Variants in SPEN observed in about 807,000 individuals in gnomAD.
The protein encoded by SPEN is msx2-interacting protein.
In SPEN, 18 loss-of-function variants were observed where a neutral mutation model predicts 269.9. The observed-to-expected ratio is 0.07, with a 90% confidence interval of 0.05 to 0.10. The LOEUF (loss-of-function observed/expected upper bound fraction) is 0.10. Among genes scored for constraint, SPEN ranks in the 10% least tolerant of loss-of-function variants. SPEN has a pLI of 1.00. For synonymous variants in SPEN, 1,726 were observed against 1,765.7 expected (o/e 0.98, Z 0.56); for missense variants, 3,822 against 4,631.2 (o/e 0.83, Z 5.07).
intron 11 of SPEN, 114 bp downstream of exon 11, chr1:15,936,380 C>T: frequency 7.2e-7 from 1 of 1,390,806 alleles, no homozygotes; most frequent in Non-Finnish European, 9.3e-7. Flanking sequence ...GTGGCTTATG[C>T]CTGTAATCCC....
At chr1:15,865,245 T>G (rs930099689) in intron 1 of SPEN, among the ~76,000 whole-genome samples, 2 of 151,352 alleles carry the variant, frequency 1.3e-5, no homozygotes, top group Non-Finnish European at 2.9e-5. Context: ...GAGACGGGAT[T>G]TCACCGTCTT....
Position 15,932,697 on chromosome 1 carries a change from G to A in SPEN, c.6457G>A (p.Val2153Met), listed in dbSNP as rs761978747. 5.0e-6 allele frequency: 8 copies of A among 1,614,186 alleles called. No individual in the cohort carries two copies. The highest frequency in any genetic ancestry group is 1.7e-4 in the Middle Eastern group (1 of 6,060). ...AGACAAGGAACCAGAGAAAGAAGACGTGTCTGCCTCTGGGCCGTCCCCAGA... is the reference window on the plus strand; with the variant it reads ...AGACAAGGAACCAGAGAAAGAAGACATGTCTGCCTCTGGGCCGTCCCCAGA... The part of the protein sequence containing the change: ...DPDKEPEKED[V>M]SASGPSPEAT... The change falls in exon 11 of 15, where the codon GTG (valine) becomes ATG (methionine). Residue 2153 changes from valine to methionine, a missense_variant. By Grantham distance (21) the Val-to-Met change is conservative. Transcript: ENST00000375759. This position sits in a 1 kb window ranked among gnomAD's most constrained non-coding sequence, Gnocchi z 4.2.
rs926348124 is a variant in SPEN, at chr1:15,901,599, G to C, written c.882-7722G>C. Among the ~76,000 whole-genome samples, 4 of 142,836 alleles carry C rather than the reference G, an allele frequency of 2.8e-5. No individual in the cohort carries two copies. In the South Asian group the frequency reaches 9.1e-4, roughly 32 times the overall value. 93.7% of individuals were successfully genotyped at this position (142,836 alleles called of 152,430 possible). A position where few individuals can be genotyped will look rare whatever the true frequency, so the allele number is the denominator to read the frequency against. On this transcript the variant is annotated intron_variant, in intron 3 of 14. Transcript: ENST00000375759. ...TGGGGATCGGAAGTTGCAGTGAGCCGAGATCACGCCACTGCACTCCAGCCT... is the reference window on the plus strand; with the variant it reads ...TGGGGATCGGAAGTTGCAGTGAGCCCAGATCACGCCACTGCACTCCAGCCT...
At chr1:15,859,069 A>C (rs1375322259) in intron 1 of SPEN, among the ~76,000 whole-genome samples, 1 of 152,104 alleles carries the variant, frequency 6.6e-6, no homozygotes, top group Admixed American at 6.6e-5. Flanking sequence ...AGTCAAACAT[A>C]TCTCTCCTTA....
chr1:15,897,940 C>T (rs1394289125), intron 3 of SPEN, among the ~76,000 whole-genome samples: 2 of 152,164 alleles, frequency 1.3e-5, no homozygotes, highest in African/African-American at 2.4e-5. Context: ...ATGCTTTCCC[C>T]GTTTCTTTTG....
intron 3 of SPEN, among the ~76,000 whole-genome samples, chr1:15,897,263 C>G (rs1328282639): frequency 6.6e-6 from 1 of 152,044 alleles, no homozygotes; most frequent in Non-Finnish European, 1.5e-5. Flanking sequence ...AATCTCGGCT[C>G]ACTGCAACCT....
intron 1 of SPEN, among the ~76,000 whole-genome samples, chr1:15,862,648 C>T (rs1199603451): frequency 6.6e-6 from 1 of 152,108 alleles, no homozygotes; most frequent in East Asian, 1.9e-4. Context: ...GTTAATTTTA[C>T]TTAATAAATA....
Position 15,929,726 on chromosome 1 carries a change from C to T in SPEN, c.3486C>T (p.Asp1162=), listed in dbSNP as rs545184463. Residue 1162 remains aspartate, a synonymous_variant, in exon 11 of 15, where the codon GAC becomes GAT. Transcript: ENST00000375759. This position sits in a 1 kb window ranked among gnomAD's most constrained non-coding sequence, Gnocchi z 5.8. ...ATACTGAAGAAAAAATTGGCATTGA[C>T]ATCGATCACACGCAGAGTTACCGAA... ...SVNTEEKIGI[D]IDHTQSYRKQ... 1.9e-6 allele frequency: 3 copies of T among 1,614,110 alleles called. No individual in the cohort carries two copies. Among genetic ancestry groups the T allele is most frequent in the East Asian group, 2.2e-5 (1 of 44,886 alleles).
intron 3 of SPEN, among the ~76,000 whole-genome samples, chr1:15,882,347 G>A (rs576013520): frequency 2.5e-4 from 38 of 151,778 alleles, no homozygotes; most frequent in South Asian, 6.3e-4. Flanking sequence ...TTGGATTCCC[G>A]CCCCCCCAAT....
At position 15,937,497 on chromosome 1, in the gene SPEN, A is replaced by AACAGCCGTTGTTTGTCCCAAC. The variant is rs370950530; in HGVS notation, c.10363_10383dup (p.Gln3455_Thr3461dup). 19 of 1,613,784 alleles carry AACAGCCGTTGTTTGTCCCAAC rather than the reference A, an allele frequency of 1.2e-5. No individual in the cohort carries two copies. Among genetic ancestry groups the AACAGCCGTTGTTTGTCCCAAC allele is most frequent in the Non-Finnish European group, 1.6e-5 (19 of 1,179,980 alleles). On this transcript the variant is annotated inframe_insertion, in exon 12 of 15. Coordinates refer to ENST00000375759, the MANE Select transcript of SPEN (RefSeq NM_015001.3). This position sits in a 1 kb window ranked among gnomAD's most constrained non-coding sequence, Gnocchi z 5.7. ...TCTCTTCCCACTCAGACTGCCCCAA[A>AACAGCCGTTGTTTGTCCCAAC]ACAGCCGTTGTTTGTCCCAACAACC...
chr1:15,938,043 C>T (rs927401966), intron 13 of SPEN, 37 bp downstream of exon 13: 2 of 1,553,602 alleles, frequency 1.3e-6, no homozygotes, highest in East Asian at 4.5e-5. Flanking sequence ...ACTGCCCCAC[C>T]TACAGGGAGG....
At chr1:15,904,477 AGT>A (rs200620092) in intron 3 of SPEN, among the ~76,000 whole-genome samples, 10,362 of 136,826 alleles carry the variant, frequency 0.076, 632 homozygotes, top group East Asian at 0.15. Context: ...AAAAAAAAAA[AGT>A]GAACTAAAAA....
chr1:15,911,971 T>C (rs2071016984), intron 5 of SPEN, among the ~76,000 whole-genome samples: 1 of 152,044 alleles, frequency 6.6e-6, no homozygotes, highest in Non-Finnish European at 1.5e-5. Flanking sequence ...AATAAATAAA[T>C]AAAAAGAAAA....
intron 2 of SPEN, chr1:15,873,662 T>C: frequency 1.0e-6 from 1 of 997,276 alleles, no homozygotes; most frequent in Non-Finnish European, 1.2e-6. Flanking sequence ...CAAACAATAC[T>C]TTAACATGGA....
rs1308056292 is a variant in SPEN at position 15,933,736 on chromosome 1, C to T, written c.7496C>T (p.Thr2499Ile). The T allele has an allele frequency of 6.2e-7, 1 of 1,614,024 alleles. No homozygotes were observed. Among genetic ancestry groups the T allele is most frequent in the East Asian group, 2.2e-5 (1 of 44,886 alleles). Reference protein sequence around the residue: ...IPHQSPPTKVTEWITRQEEPR... With the variant: ...IPHQSPPTKVIEWITRQEEPR... ...CACCAGAGCCCCCCTACTAAGGTGACAGAGTGGATCACAAGGCAGGAGGAG... is the reference window on the plus strand; with the variant it reads ...CACCAGAGCCCCCCTACTAAGGTGATAGAGTGGATCACAAGGCAGGAGGAG... The change falls in exon 11 of 15, where the codon ACA becomes ATA. Residue 2499 changes from threonine (T) to isoleucine (I), a missense_variant. Around this residue, in one of 16 missense-constraint regions of SPEN, gnomAD observed 727 missense variants for 737.9 expected, o/e 0.99. Transcript: ENST00000375759. The surrounding 1 kb of genome is among the most constrained non-coding windows in gnomAD (Gnocchi z 5.7).
In SPEN at chr1:15,857,364, C is replaced by CT. The variant is rs1005602398; in HGVS notation, c.83+9224dup. Among the ~76,000 whole-genome samples the CT allele has an allele frequency of 7.5e-3, 1,112 of 147,648 alleles. 25 individuals carry two copies. Among genetic ancestry groups the CT allele is most frequent in the African/African-American group, 0.026 (1,038 of 40,312 alleles). ...ACAGGTGTGAGCCACTGCACCCAGC[C>CT]TTTTTTTTTTGAGACGGAGTCTCGT... On this transcript the variant is annotated intron_variant, in intron 1 of 14. Coordinates refer to ENST00000375759, the MANE Select transcript of SPEN (RefSeq NM_015001.3).
Position 15,928,405 on chromosome 1 carries a change from T to A in SPEN, c.2165T>A (p.Ile722Asn). Residue 722 changes from isoleucine (I) to asparagine (N), a missense_variant, in exon 11 of 15, where the codon ATT becomes AAT. Transcript: ENST00000375759. This position sits in a 1 kb window ranked among gnomAD's most constrained non-coding sequence, Gnocchi z 5.7. ...GACAGAGACCATGAGAGGAGGCCGA[T>A]TGAACGAAGTCAAAGTCCTGTTCAC... is the stretch of plus-strand genomic sequence containing the variant. ...DRDRDHERRP[I>N]ERSQSPVHLR... 6.2e-7 allele frequency: 1 copy of A among 1,614,094 alleles called. No homozygotes were observed. Among genetic ancestry groups the A allele is most frequent in the South Asian group, 1.1e-5 (1 of 91,066 alleles).
rs773212469 is a variant in SPEN at position 15,929,804 on chromosome 1, G to A, written c.3564G>A (p.Lys1188=). The change falls in exon 11 of 15, where the codon AAG becomes AAA. Residue 1188 remains lysine, a synonymous_variant. Coordinates refer to ENST00000375759, the MANE Select transcript of SPEN (RefSeq NM_015001.3). This position sits in a 1 kb window ranked among gnomAD's most constrained non-coding sequence, Gnocchi z 5.8. ...AGCAGATGGAAATGGAAATAGCCAA[G>A]TCTGAGAAGTTTGGCAGTCCTAAAA... ...RKQQMEMEIA[K]SEKFGSPKKD... 4.3e-6 allele frequency: 7 copies of A among 1,614,074 alleles called. No individual in the cohort carries two copies. Among genetic ancestry groups the A allele is most frequent in the Non-Finnish European group, 5.9e-6 (7 of 1,180,058 alleles).
At chr1:15,914,596 G>A (rs2071039617) in intron 5 of SPEN, among the ~76,000 whole-genome samples, 1 of 152,158 alleles carries the variant, frequency 6.6e-6, no homozygotes, top group South Asian at 2.1e-4. Flanking sequence ...GTTGAGGCGG[G>A]CGGATCACCT....
Sources: gnomAD v4.1 joint callset for allele counts (sites outside exome capture counted in the v4.1 genomes callset) on GRCh38, gnomAD v4.1.1 for gene constraint, gnomAD v4.1.1 regional missense constraint, Gnocchi (gnomAD v3.1) non-coding constraint, MANE v1.5 for transcripts, NCBI Gene and HGNC (gene_info 2026-07-23, HGNC 2026-07-21) for gene names.